The following MMP23B variants were observed in gnomAD, a reference collection of about 807,000 sequenced individuals.
MMP23B encodes matrix metallopeptidase 23B.
MMP23B carries 8 observed loss-of-function variants against 17.3 expected under a neutral mutation model. The observed-to-expected ratio is 0.46, with a 90% CI of 0.27 to 0.83. MMP23B has a LOEUF of 0.83. MMP23B is among the 40% of genes least tolerant of loss of function. MMP23B has a pLI of 0.14. For synonymous variants in MMP23B, 86 were observed against 116.5 expected, an observed-to-expected ratio of 0.74 and a Z score of 1.69; for missense variants, 154 against 246.2, an observed-to-expected ratio of 0.63 and a Z score of 2.51.
chr1:1,632,203 C>A lies in MMP23B; in HGVS notation c.-16C>A. 2 of 1,298,992 alleles carry A rather than the reference C, an allele frequency of 1.5e-6. No homozygotes were observed. The highest frequency in any genetic ancestry group is 1.9e-6 in the Non-Finnish European group (2 of 1,030,132). 80.5% of individuals were successfully genotyped at this position (1,298,992 alleles called of 1,614,324 possible). A position where few individuals can be genotyped will look rare whatever the true frequency, so the allele number is the denominator to read the frequency against. On this transcript the variant is annotated 5_prime_UTR_variant, in exon 1 of 8. Transcript: ENST00000356026. ...TTGCTGCCCCATGCAGCCCTGAGCCCCACAGCAAGTCTGCCATGGGCCGCG... is the reference window on the plus strand; with the variant it reads ...TTGCTGCCCCATGCAGCCCTGAGCCACACAGCAAGTCTGCCATGGGCCGCG...
At chr1:1,632,417 C>A in intron 1 of MMP23B, 43 bp downstream of exon 1, 2 of 1,357,454 alleles carry the variant, frequency 1.5e-6, no homozygotes, top group Non-Finnish European at 1.9e-6. Context: ...TGGGGGGGTC[C>A]TCACGTCTGT....
In MMP23B at chr1:1,632,227, C is replaced by A; in HGVS notation, c.9C>A (p.Arg3=). 7.5e-6 allele frequency: 10 copies of A among 1,327,684 alleles called. No individual in the cohort carries two copies. Among genetic ancestry groups the A allele is most frequent in the South Asian group, 2.2e-5 (1 of 46,020 alleles). The allele number at this position is 1,327,684 out of a possible 1,614,324, so 82.2% of individuals were successfully genotyped here. The change falls in exon 1 of 8, where the codon CGC becomes CGA. Residue 3 remains arginine, a synonymous_variant. Coordinates refer to ENST00000356026, the MANE Select transcript of MMP23B (RefSeq NM_006983.2). ...CCCACAGCAAGTCTGCCATGGGCCGCGGGGCCCGTGTCCCCTCGGAGGCCC... is the reference window on the plus strand; with the variant it reads ...CCCACAGCAAGTCTGCCATGGGCCGAGGGGCCCGTGTCCCCTCGGAGGCCC... MG[R]GARVPSEAPG...
At position 1,632,258 on chromosome 1, in the gene MMP23B, G is replaced by A. The variant is rs1036354090; in HGVS notation, c.40G>A (p.Ala14Thr). The A allele has an allele frequency of 2.2e-5, 30 of 1,364,970 alleles. No individual in the cohort carries two copies. Among genetic ancestry groups the A allele is most frequent in the Middle Eastern group, 2.6e-4 (1 of 3,820 alleles). 84.6% of individuals were successfully genotyped at this position (1,364,970 alleles called of 1,614,324 possible). ...GARVPSEAPGAGVERRWLGAA... is the reference protein window; with the variant it reads ...GARVPSEAPGTGVERRWLGAA... ...CCGTGTCCCCTCGGAGGCCCCGGGG[G>A]CAGGCGTCGAGCGCCGCTGGCTTGG... The change falls in exon 1 of 8, where the codon GCA becomes ACA. Residue 14 changes from alanine to threonine, a missense_variant. Physicochemically the swap from Ala to Thr is moderately conservative, Grantham distance 58. Around this residue, in one of 4 missense-constraint regions of MMP23B, gnomAD observed 129 missense variants for 83.5 expected, o/e 1.54. Transcript: ENST00000356026.
chr1:1,632,347 G>T lies in MMP23B; in HGVS notation c.129G>T (p.Pro43=), dbSNP rs1242871556. 13 of 1,393,336 alleles carry T rather than the reference G, an allele frequency of 9.3e-6. No individual in the cohort carries two copies. The highest frequency in any genetic ancestry group is 1.2e-5 in the Non-Finnish European group (13 of 1,083,768). 86.3% of individuals were successfully genotyped at this position (1,393,336 alleles called of 1,614,324 possible). The change falls in exon 1 of 8, where the codon CCG becomes CCT. Residue 43 remains proline, a synonymous_variant. Coordinates refer to ENST00000356026, the MANE Select transcript of MMP23B (RefSeq NM_006983.2). ...ALVLLARLGA[P]AVPAWSAAQG... ...TGCTGCTGGCCCGGCTGGGGGCCCC[G>T]GCGGTGCCGGCCTGGAGCGCAGCGC...
chr1:1,632,580 C>T lies in MMP23B; in HGVS notation c.157-203C>T, dbSNP rs532891245. ...CCTCGCCCTGCTGTTCAGCCCCTTCCCCTCCACTGGGCCGCGTTCCCAGGG... is the reference window on the plus strand; with the variant it reads ...CCTCGCCCTGCTGTTCAGCCCCTTCTCCTCCACTGGGCCGCGTTCCCAGGG... On this transcript the variant is annotated intron_variant, in intron 1 of 7. Coordinates refer to ENST00000356026, the MANE Select transcript of MMP23B (RefSeq NM_006983.2). 293 of 395,102 alleles carry T rather than the reference C, an allele frequency of 7.4e-4. 2 individuals carry two copies. In the East Asian group the frequency reaches 9.3e-3, roughly 13 times the overall value. The allele number at this position is 395,102 out of a possible 1,614,324, so 24.5% of individuals were successfully genotyped here.
At position 1,632,198 on chromosome 1, in the gene MMP23B, G is replaced by A. The variant is rs1051465512; in HGVS notation, c.-21G>A. 3.9e-6 allele frequency: 5 copies of A among 1,293,370 alleles called. No individual in the cohort carries two copies. The African/African-American group carries it at 7.8e-5, about 20-fold the overall frequency. The allele number at this position is 1,293,370 out of a possible 1,614,324, so 80.1% of individuals were successfully genotyped here. A position where few individuals can be genotyped will look rare whatever the true frequency, so the allele number is the denominator to read the frequency against. ...GCGCCTTGCTGCCCCATGCAGCCCT[G>A]AGCCCCACAGCAAGTCTGCCATGGG... On this transcript the variant is annotated 5_prime_UTR_variant, in exon 1 of 8. It removes the in-frame stop codon of an upstream open reading frame in the 5' UTR. Transcript: ENST00000356026.
In MMP23B at chr1:1,632,174, C is replaced by G. The variant is rs1306813806; in HGVS notation, c.-45C>G. ...GGAGGCTCTGCGGCCCGGGCCCCCG[C>G]GCCTTGCTGCCCCATGCAGCCCTGA... On this transcript the variant is annotated 5_prime_UTR_variant, in exon 1 of 8. Coordinates refer to ENST00000356026, the MANE Select transcript of MMP23B (RefSeq NM_006983.2). The G allele has an allele frequency of 1.1e-5, 13 of 1,237,174 alleles. No individual in the cohort carries two copies. The highest frequency in any genetic ancestry group is 1.3e-5 in the Non-Finnish European group (13 of 990,840). 76.6% of individuals were successfully genotyped at this position (1,237,174 alleles called of 1,614,324 possible).
At position 1,632,378 on chromosome 1, in the gene MMP23B, A is replaced by T. The variant is rs562265575; in HGVS notation, c.156+4A>T. On this transcript the variant is annotated splice_donor_region_variant and intron_variant, in intron 1 of 7. Transcript: ENST00000356026. ...GCCGGCCTGGAGCGCAGCGCAGGTG[A>T]GCGGCGGGGGGGAGGCCAGGTGCCG... The T allele has an allele frequency of 3.0e-4, 415 of 1,377,768 alleles. 5 individuals are homozygous for T. In the South Asian group the frequency reaches 6.6e-3, roughly 22 times the overall value. 85.3% of individuals were successfully genotyped at this position (1,377,768 alleles called of 1,614,324 possible). A position where few individuals can be genotyped will look rare whatever the true frequency, so the allele number is the denominator to read the frequency against.
Position 1,632,917 on chromosome 1 carries a change from CGCCCTGGCTG to C in MMP23B, c.287+6_287+15del, listed in dbSNP as rs1393682751. The C allele has an allele frequency of 2.9e-5, 1 of 34,462 alleles. No homozygotes were observed. The highest frequency in any genetic ancestry group is 6.1e-4 in the Admixed American group (1 of 1,646). The allele number at this position is 34,462 out of a possible 1,614,324, so 2.1% of individuals were successfully genotyped here. On this transcript the variant is annotated splice_donor_5th_base_variant and intron_variant, in intron 2 of 7. Transcript: ENST00000356026. ...ACCACTTCAACCTCACCTACAGGTG[CGCCCTGGCTG>C]GGCCCCGGGGGAGGGGGCGCGGCCG...
chr1:1,634,381 G>A lies in MMP23B; in HGVS notation c.998+53G>A, dbSNP rs1461739662. The stretch of plus-strand genomic sequence containing the variant: ...GGGTGGGCAGCCCGCGGGCGGCCTT[G>A]GGGCAGGGGTGCGGGGCAGGCAGCC... On this transcript the variant is annotated intron_variant, in intron 7 of 7. Transcript: ENST00000356026. 6.8e-6 allele frequency: 9 copies of A among 1,325,606 alleles called. 2 individuals carry two copies. In the African/African-American group the frequency reaches 9.7e-5, roughly 14 times the overall value. The allele number at this position is 1,325,606 out of a possible 1,614,324, so 82.1% of individuals were successfully genotyped here. A position where few individuals can be genotyped will look rare whatever the true frequency, so the allele number is the denominator to read the frequency against.
At chr1:1,632,951 C>A (rs1308529175) in intron 2 of MMP23B, 30 bp from the exon 3 acceptor site, 5 of 29,126 alleles carry the variant, frequency 1.7e-4, no homozygotes, top group South Asian at 9.7e-4. Context: ...GGGGCGCGGC[C>A]GGCGCCCGCT....
Position 1,632,199 on chromosome 1 carries a change from AG to A in MMP23B, c.-19del. The stretch of plus-strand genomic sequence containing the variant: ...CGCCTTGCTGCCCCATGCAGCCCTG[AG>A]CCCCACAGCAAGTCTGCCATGGGCC... On this transcript the variant is annotated 5_prime_UTR_variant, in exon 1 of 8. Transcript: ENST00000356026. 2.3e-6 allele frequency: 3 copies of A among 1,293,116 alleles called. No homozygotes were observed. The highest frequency in any genetic ancestry group is 1.9e-6 in the Non-Finnish European group (2 of 1,026,648). The allele number at this position is 1,293,116 out of a possible 1,614,324, so 80.1% of individuals were successfully genotyped here.
chr1:1,632,313 C>G lies in MMP23B; in HGVS notation c.95C>G (p.Pro32Arg). ...GAALVALCLLPALVLLARLGA... is the reference protein window; with the variant it reads ...GAALVALCLLRALVLLARLGA... Reference sequence around the variant, plus strand: ...GCGCTGGTCGCCCTGTGCCTCCTCCCCGCGCTGGTGCTGCTGGCCCGGCTG... The same window carrying G: ...GCGCTGGTCGCCCTGTGCCTCCTCCGCGCGCTGGTGCTGCTGGCCCGGCTG... The change falls in exon 1 of 8, where the codon CCC becomes CGC. Residue 32 changes from proline (P) to arginine (R), a missense_variant. By Grantham distance (103) the Pro-to-Arg change is moderately radical (BLOSUM62 -2). Around this residue, in one of 4 missense-constraint regions of MMP23B, gnomAD observed 129 missense variants for 83.5 expected, o/e 1.54. Transcript: ENST00000356026. 2 of 1,433,710 alleles carry G rather than the reference C, an allele frequency of 1.4e-6. No homozygotes were observed. The highest frequency in any genetic ancestry group is 1.8e-6 in the Non-Finnish European group (2 of 1,100,096). 88.8% of individuals were successfully genotyped at this position (1,433,710 alleles called of 1,614,324 possible). A position where few individuals can be genotyped will look rare whatever the true frequency, so the allele number is the denominator to read the frequency against.
In MMP23B at chr1:1,632,259, C is replaced by T. The variant is rs1437898330; in HGVS notation, c.41C>T (p.Ala14Val). The T allele has an allele frequency of 3.7e-6, 5 of 1,365,440 alleles. No individual in the cohort carries two copies. The highest frequency in any genetic ancestry group is 2.6e-4 in the Middle Eastern group (1 of 3,820). The allele number at this position is 1,365,440 out of a possible 1,614,324, so 84.6% of individuals were successfully genotyped here. A position where few individuals can be genotyped will look rare whatever the true frequency, so the allele number is the denominator to read the frequency against. ...CGTGTCCCCTCGGAGGCCCCGGGGG[C>T]AGGCGTCGAGCGCCGCTGGCTTGGA... ...GARVPSEAPG[A>V]GVERRWLGAA... is the part of the protein sequence containing the mutation. The change falls in exon 1 of 8, where the codon GCA (alanine) becomes GTA (valine). Residue 14 changes from alanine (A) to valine (V), a missense_variant. By Grantham distance (64) the Ala-to-Val change is moderately conservative. Coordinates refer to ENST00000356026, the MANE Select transcript of MMP23B (RefSeq NM_006983.2).
rs1218256884 is a variant in MMP23B at position 1,632,345 on chromosome 1, C to A, written c.127C>A (p.Pro43Thr). 8.6e-6 allele frequency: 12 copies of A among 1,395,882 alleles called. No homozygotes were observed. The Admixed American group carries it at 1.3e-4, about 16-fold the overall frequency. The allele number at this position is 1,395,882 out of a possible 1,614,324, so 86.5% of individuals were successfully genotyped here. A position where few individuals can be genotyped will look rare whatever the true frequency, so the allele number is the denominator to read the frequency against. Reference sequence around the variant, plus strand: ...GGTGCTGCTGGCCCGGCTGGGGGCCCCGGCGGTGCCGGCCTGGAGCGCAGC... The same window carrying A: ...GGTGCTGCTGGCCCGGCTGGGGGCCACGGCGGTGCCGGCCTGGAGCGCAGC... Reference protein sequence around the residue: ...ALVLLARLGAPAVPAWSAAQG... With the variant: ...ALVLLARLGATAVPAWSAAQG... Residue 43 changes from proline (P) to threonine (T), a missense_variant, in exon 1 of 8, where the codon CCG becomes ACG. Physicochemically the swap from Pro to Thr is conservative, Grantham distance 38 (BLOSUM62 -1). Coordinates refer to ENST00000356026, the MANE Select transcript of MMP23B (RefSeq NM_006983.2).
At position 1,632,253 on chromosome 1, in the gene MMP23B, C is replaced by T; in HGVS notation, c.35C>T (p.Pro12Leu). 7.4e-7 allele frequency: 1 copy of T among 1,355,122 alleles called. No homozygotes were observed. Among genetic ancestry groups the T allele is most frequent in the Non-Finnish European group, 9.4e-7 (1 of 1,061,162 alleles). 83.9% of individuals were successfully genotyped at this position (1,355,122 alleles called of 1,614,324 possible). Residue 12 changes from proline to leucine, a missense_variant, in exon 1 of 8, where the codon CCG becomes CTG. Physicochemically the swap from Pro to Leu is moderately conservative, Grantham distance 98. This residue lies in a region of MMP23B where 129 missense variants were observed against 83.5 expected (regional missense o/e 1.54). Coordinates refer to ENST00000356026, the MANE Select transcript of MMP23B (RefSeq NM_006983.2). ...GRGARVPSEA[P>L]GAGVERRWLG... The stretch of plus-strand genomic sequence containing the variant: ...GGGGCCCGTGTCCCCTCGGAGGCCC[C>T]GGGGGCAGGCGTCGAGCGCCGCTGG...
Position 1,634,091 on chromosome 1 carries a change from TCTG to T in MMP23B, c.866_868del (p.Cys289del), listed in dbSNP as rs1639059949. On this transcript the variant is annotated inframe_deletion, in exon 6 of 8. Coordinates refer to ENST00000356026, the MANE Select transcript of MMP23B (RefSeq NM_006983.2). The stretch of plus-strand genomic sequence containing the variant: ...AGGCTCTGCCCCAGCAGCTGCGACT[TCTG>T]CTACGGTGATGCCCACGGGGCCGGG... 2.3e-6 allele frequency: 2 copies of T among 858,796 alleles called. No individual in the cohort carries two copies. The highest frequency in any genetic ancestry group is 3.5e-6 in the Non-Finnish European group (2 of 579,342). The allele number at this position is 858,796 out of a possible 1,614,324, so 53.2% of individuals were successfully genotyped here. A position where few individuals can be genotyped will look rare whatever the true frequency, so the allele number is the denominator to read the frequency against.
Position 1,633,722 on chromosome 1 carries a change from CAGGCGCTGACCCCCGGG to C in MMP23B, c.596-25_596-9del. The C allele has an allele frequency of 3.2e-6, 1 of 316,230 alleles. No homozygotes were observed. Among genetic ancestry groups the C allele is most frequent in the Non-Finnish European group, 5.1e-6 (1 of 196,648 alleles). 19.6% of individuals were successfully genotyped at this position (316,230 alleles called of 1,614,324 possible). A position where few individuals can be genotyped will look rare whatever the true frequency, so the allele number is the denominator to read the frequency against. On this transcript the variant is annotated splice_polypyrimidine_tract_variant and intron_variant, in intron 4 of 7. Coordinates refer to ENST00000356026, the MANE Select transcript of MMP23B (RefSeq NM_006983.2). ...GCGGCGGGGCTGGGCCCGGGGCTCC[CAGGCGCTGACCCCCGGG>C]GCCCGCAGGCGTGTGGCTCACGGAC... is the stretch of plus-strand genomic sequence containing the variant.
chr1:1,632,296 C>A lies in MMP23B; in HGVS notation c.78C>A (p.Val26=). The A allele has an allele frequency of 7.0e-7, 1 of 1,419,978 alleles. No individual in the cohort carries two copies. The highest frequency in any genetic ancestry group is 1.5e-5 in the South Asian group (1 of 67,360). The allele number at this position is 1,419,978 out of a possible 1,614,324, so 88.0% of individuals were successfully genotyped here. Residue 26 remains valine, a synonymous_variant, in exon 1 of 8, where the codon GTC becomes GTA. Transcript: ENST00000356026. ...GCCGCTGGCTTGGAGCCGCGCTGGT[C>A]GCCCTGTGCCTCCTCCCCGCGCTGG... The part of the protein sequence containing the change: ...VERRWLGAAL[V]ALCLLPALVL...
Sources: gnomAD v4.1 joint callset for allele counts on GRCh38, gnomAD v4.1.1 for gene constraint, gnomAD v4.1.1 regional missense constraint, MANE v1.5 for transcripts, NCBI Gene and HGNC (gene_info 2026-07-23, HGNC 2026-07-21) for gene names.